The following KLHL15 variants were observed in gnomAD, a reference collection of about 807,000 sequenced individuals.
The protein encoded by KLHL15 is kelch like family member 15, also known as kelch-like protein 15.
KLHL15 carries 1 observed loss-of-function variant against 29.3 expected under a neutral mutation model. The observed-to-expected ratio is 0.03, with a 90% CI of 0.01 to 0.16. The LOEUF is 0.16. KLHL15 is among the 10% of genes least tolerant of loss of function. The probability of loss-of-function intolerance (pLI) is 1.00; values close to 1 mark genes in which losing one functional copy is unlikely to be tolerated. For missense variants in KLHL15, 215 were observed against 478.5 expected, an observed-to-expected ratio of 0.45 and a Z score of 5.14; for synonymous variants, 212 against 184.5, an observed-to-expected ratio of 1.15 and a Z score of -1.21.
chrX:24,024,557 A>C, intron 2 of KLHL15, among the ~76,000 whole-genome samples: 1 of 112,384 alleles, frequency 8.9e-6, no homozygotes, highest in Non-Finnish European at 1.9e-5. Flanking sequence ...GTTCTATTTC[A>C]GGCATAAATT....
chrX:24,025,616 T>G (rs1266088105), intron 1 of KLHL15, among the ~76,000 whole-genome samples: 1 of 105,570 alleles, frequency 9.5e-6, no homozygotes, highest in African/African-American at 3.4e-5. Context: ...GCCCGTGGCC[T>G]GGCGGGTGTT....
At chrX:23,989,947 G>A (rs1417245463) in intron 3 of KLHL15, among the ~76,000 whole-genome samples, 1 of 109,917 alleles carries the variant, frequency 9.1e-6, no homozygotes, top group Admixed American at 9.8e-5. Context: ...GAGTCACTGC[G>A]CCTGGCAAAC....
intron 3 of KLHL15, among the ~76,000 whole-genome samples, chrX:23,997,822 T>C (rs1288446520): frequency 9.4e-6 from 1 of 106,889 alleles, no homozygotes; most frequent in Admixed American, 1.0e-4. Flanking sequence ...CTCATGCCTG[T>C]AATCCCAGCA....
In KLHL15 at chrX:24,006,189, G is replaced by A; in HGVS notation, c.505C>T (p.Pro169Ser). The A allele has an allele frequency of 1.7e-6, 2 of 1,211,508 alleles. No homozygotes were observed. Among genetic ancestry groups the A allele is most frequent in the Non-Finnish European group, 2.2e-6 (2 of 895,361 alleles). The part of the protein sequence containing the change: ...LDNFVPLMSR[P>S]DFLSYLSFEK... ...AAGCTCAGATAGGACAGAAAGTCAG[G>A]CCTAGACATGAGTGGCACAAAGTTG... Residue 169 changes from proline to serine, a missense_variant, in exon 3 of 4, where the codon CCT becomes TCT. By Grantham distance (74) the Pro-to-Ser change is moderately conservative (BLOSUM62 -1). Coordinates refer to ENST00000328046, the MANE Select transcript of KLHL15 (RefSeq NM_030624.3).
chrX:24,001,045 G>A (rs1341364300), intron 3 of KLHL15, among the ~76,000 whole-genome samples: 1 of 111,953 alleles, frequency 8.9e-6, no homozygotes, highest in Non-Finnish European at 1.9e-5. Context: ...ATTTTGGGGG[G>A]ATATACTGAA....
At chrX:24,024,034 A>G (rs1374000293) in intron 2 of KLHL15, among the ~76,000 whole-genome samples, 2 of 112,396 alleles carry the variant, frequency 1.8e-5, no homozygotes, top group Non-Finnish European at 3.7e-5. Flanking sequence ...CGGAAAACAG[A>G]AAAGACTAAC....
At chrX:24,011,378 C>T (rs776235418) in intron 2 of KLHL15, among the ~76,000 whole-genome samples, 4 of 108,182 alleles carry the variant, frequency 3.7e-5, no homozygotes, top group East Asian at 2.9e-4. Flanking sequence ...CGCCGTGGCT[C>T]ACGCCTGTGA....
Position 24,018,260 on chromosome X carries a change from A to G in KLHL15, c.-8+6597T>C, listed in dbSNP as rs1486052837. Among the ~76,000 whole-genome samples the G allele has an allele frequency of 2.7e-5, 3 of 112,214 alleles. No individual in the cohort carries two copies. In the East Asian group the frequency reaches 8.2e-4, roughly 31 times the overall value. ...CAAAAGAAAAAAACGAATCATTGTA[A>G]AACACAAAAACCTTAAATAAGAACT... On this transcript the variant is annotated intron_variant, in intron 2 of 3. Transcript: ENST00000328046.
chrX:24,016,237 G>C (rs1929677171), intron 2 of KLHL15, among the ~76,000 whole-genome samples: 1 of 101,911 alleles, frequency 9.8e-6, no homozygotes, highest in African/African-American at 3.6e-5. Context: ...CTACTTGGGA[G>C]GCTGAGGCAG....
intron 3 of KLHL15, among the ~76,000 whole-genome samples, chrX:24,000,943 T>G (rs1445746872): frequency 1.8e-5 from 2 of 112,445 alleles, no homozygotes; most frequent in Non-Finnish European, 3.7e-5. Context: ...AATGTAGCTT[T>G]TAAATACACA....
chrX:24,011,878 G>A (rs1195538912), intron 2 of KLHL15, among the ~76,000 whole-genome samples: 1 of 112,241 alleles, frequency 8.9e-6, no homozygotes, highest in African/African-American at 3.2e-5. Flanking sequence ...GGCCAGGTGC[G>A]GTGGCTCACG....
chrX:24,023,789 T>C (rs781030598), intron 2 of KLHL15, among the ~76,000 whole-genome samples: 224 of 112,437 alleles, frequency 2.0e-3, no homozygotes, highest in Non-Finnish European at 3.7e-3. Flanking sequence ...AATAAAATTA[T>C]ATAATTACAT....
intron 2 of KLHL15, among the ~76,000 whole-genome samples, chrX:24,008,871 G>GAA (rs58975658): frequency 0.15 from 10,915 of 74,040 alleles, 1,170 homozygotes; most frequent in African/African-American, 0.31. Flanking sequence ...ACGCGTGTTA[G>GAA]AAAAAAAAAA....
chrX:24,025,386 CGG>C (rs1491136121), intron 1 of KLHL15, among the ~76,000 whole-genome samples: 1 of 104,376 alleles, frequency 9.6e-6, no homozygotes, highest in African/African-American at 3.4e-5. Flanking sequence ...GGCCACGAGC[CGG>C]GGGCCGCTCC....
At chrX:24,006,954 A>G (rs1033741948) in intron 2 of KLHL15, among the ~76,000 whole-genome samples, 1 of 110,449 alleles carries the variant, frequency 9.1e-6, no homozygotes, top group African/African-American at 3.3e-5. Flanking sequence ...AGGCCAAGGC[A>G]GGAAGATCGC....
At chrX:24,007,653 C>T (rs1204598989) in intron 2 of KLHL15, among the ~76,000 whole-genome samples, 1 of 107,348 alleles carries the variant, frequency 9.3e-6, no homozygotes, top group Non-Finnish European at 1.9e-5. Flanking sequence ...AATGATTTCA[C>T]AGCCAAATAC....
chrX:23,989,357 A>G (rs187040455), intron 3 of KLHL15, among the ~76,000 whole-genome samples: 1 of 110,133 alleles, frequency 9.1e-6, no homozygotes, highest in African/African-American at 3.3e-5. Context: ...TTTTATTTTT[A>G]GTAGAGATGA....
At chrX:24,002,060 C>G (rs996417610) in intron 3 of KLHL15, among the ~76,000 whole-genome samples, 4 of 109,100 alleles carry the variant, frequency 3.7e-5, no homozygotes, top group South Asian at 3.9e-4. Context: ...GTGAACCCGG[C>G]AGGTGGAGCT....
intron 2 of KLHL15, among the ~76,000 whole-genome samples, chrX:24,016,288 C>T (rs770863915): frequency 1.9e-4 from 16 of 85,475 alleles, no homozygotes; most frequent in African/African-American, 6.9e-4. Context: ...TGCAGTGAGC[C>T]GAGATGGTGC....
Sources: gnomAD v4.1 joint callset for allele counts (sites outside exome capture counted in the v4.1 genomes callset) on GRCh38, gnomAD v4.1.1 for gene constraint, MANE v1.5 for transcripts, NCBI Gene and HGNC (gene_info 2026-07-23, HGNC 2026-07-21) for gene names.